Variants in PCDHGB1 observed in about 807,000 individuals in gnomAD.
The protein encoded by PCDHGB1 is protocadherin gamma-B1.
In PCDHGB1, 34 loss-of-function variants were observed where a neutral mutation model predicts 56.6. That is an observed-to-expected ratio of 0.60 (90% confidence interval 0.46 to 0.80). The LOEUF is 0.80. Among genes scored for constraint, PCDHGB1 ranks in the 30% least tolerant of loss-of-function variants. The pLI is 0.00. For missense variants in PCDHGB1, 1,278 were observed against 1,204.6 expected (o/e 1.06, Z -0.90); for synonymous variants, 561 against 505.9 (o/e 1.11, Z -1.46).
chr5:141,362,498 A>G, intron 1 of PCDHGB1: 2 of 1,614,032 alleles, frequency 1.2e-6, no homozygotes, highest in Non-Finnish European at 1.7e-6. Context: ...GCCTCTTGGG[A>G]ACAAAATACA....
chr5:141,367,922 CAACTT>C (rs974333677), intron 1 of PCDHGB1: 11 of 152,168 alleles, frequency 7.2e-5, no homozygotes, highest in East Asian at 1.9e-4. Flanking sequence ...AAAAAGAACT[CAACTT>C]AAAGATGGTT....
intron 1 of PCDHGB1, among the ~76,000 whole-genome samples, chr5:141,402,192 CTT>C (rs1205831935): frequency 6.6e-6 from 1 of 152,006 alleles, no homozygotes; most frequent in Non-Finnish European, 1.5e-5. Flanking sequence ...ATTAATATTA[CTT>C]TTATAATACA....
At chr5:141,428,147 G>A (rs771536400) in intron 1 of PCDHGB1, 2 of 1,589,610 alleles carry the variant, frequency 1.3e-6, no homozygotes, top group Admixed American at 1.7e-5. Context: ...GGCTGCACAC[G>A]GGAACCTGCT....
chr5:141,404,681 C>T, intron 1 of PCDHGB1: 1 of 1,614,092 alleles, frequency 6.2e-7, no homozygotes, highest in Non-Finnish European at 8.5e-7. Context: ...TGGTGTGGAG[C>T]TGGCACCCCG....
At chr5:141,502,406 T>G (rs1390520101) in intron 2 of PCDHGB1, among the ~76,000 whole-genome samples, 1 of 152,072 alleles carries the variant, frequency 6.6e-6, no homozygotes, top group African/African-American at 2.4e-5. Context: ...TCCCCGAACC[T>G]GGATTTGCTG....
Position 141,350,799 on chromosome 5 carries a change from A to G in PCDHGB1, c.539A>G (p.Lys180Arg), listed in dbSNP as rs751350769. 2 of 1,613,900 alleles carry G rather than the reference A, an allele frequency of 1.2e-6. No individual in the cohort carries two copies. Among genetic ancestry groups the G allele is most frequent in the Non-Finnish European group, 1.7e-6 (2 of 1,179,908 alleles). ...NPNQYFSLST[K>R]ESPDGSKYPV... The stretch of plus-strand genomic sequence containing the variant: ...AATCAATACTTCTCTCTGTCAACGA[A>G]GGAAAGTCCTGATGGAAGTAAATAT... The change falls in exon 1 of 4, where the codon AAG (lysine) becomes AGG (arginine). Residue 180 changes from lysine to arginine, a missense_variant. Transcript: ENST00000523390.
chr5:141,383,202 G>A, intron 1 of PCDHGB1: 1 of 1,614,060 alleles, frequency 6.2e-7, no homozygotes. Flanking sequence ...AGAGTGCGCG[G>A]TGTCTGGTAA....
chr5:141,408,624 A>G, intron 1 of PCDHGB1: 1 of 1,614,016 alleles, frequency 6.2e-7, no homozygotes, highest in Non-Finnish European at 8.5e-7. Flanking sequence ...ATACATTTAG[A>G]AATTTTCGAA....
intron 1 of PCDHGB1, chr5:141,418,297 C>T (rs760176371): frequency 2.5e-6 from 4 of 1,614,026 alleles, no homozygotes; most frequent in African/African-American, 2.7e-5. Flanking sequence ...GTGAATCCGT[C>T]AGCCTGGGGA....
intron 1 of PCDHGB1, chr5:141,384,703 G>A (rs776947081): frequency 6.2e-7 from 1 of 1,614,100 alleles, no homozygotes; most frequent in South Asian, 1.1e-5. Flanking sequence ...AGGCCAGAAC[G>A]CCTGGCTGTC....
chr5:141,428,891 G>A (rs1382228334), intron 1 of PCDHGB1: 3 of 149,832 alleles, frequency 2.0e-5, no homozygotes, highest in East Asian at 3.9e-4. Flanking sequence ...GTCTCGCTCT[G>A]TGGTCCAGGC....
chr5:141,354,708 A>G (rs1031330796), intron 1 of PCDHGB1, among the ~76,000 whole-genome samples: 2 of 152,190 alleles, frequency 1.3e-5, no homozygotes, highest in African/African-American at 4.8e-5. Context: ...CTATACTGAG[A>G]ATGGGCTGTG....
intron 1 of PCDHGB1, chr5:141,376,357 A>G: frequency 6.2e-7 from 1 of 1,614,012 alleles, no homozygotes; most frequent in Non-Finnish European, 8.5e-7. Context: ...ACGAGGTCTC[A>G]CTCACTGCAG....
chr5:141,356,987 G>GAGGTC (rs1760419659), intron 1 of PCDHGB1: 1 of 1,614,186 alleles, frequency 6.2e-7, no homozygotes, highest in Non-Finnish European at 8.5e-7. Context: ...GCAGTGGACA[G>GAGGTC]AGACTCAGGT....
intron 1 of PCDHGB1, among the ~76,000 whole-genome samples, chr5:141,379,925 A>T (rs1776079128): frequency 2.1e-5 from 1 of 48,106 alleles, no homozygotes; most frequent in East Asian, 5.2e-4. Context: ...TTTTTGTCAG[A>T]GTCTTGCTCT....
intron 1 of PCDHGB1, chr5:141,422,658 C>T (rs2096662185): frequency 6.2e-7 from 1 of 1,609,912 alleles, no homozygotes; most frequent in Non-Finnish European, 8.5e-7. Context: ...CAGTGACCGC[C>T]CTCGACCCGG....
rs962326553 is a variant in PCDHGB1 at position 141,387,971 on chromosome 5, C to T, written c.2409+35302C>T. 1.0e-5 allele frequency: 15 copies of T among 1,489,894 alleles called. 1 individual carries two copies. Among genetic ancestry groups the T allele is most frequent in the Non-Finnish European group, 1.3e-5 (14 of 1,108,812 alleles). The allele number at this position is 1,489,894 out of a possible 1,614,324, so 92.3% of individuals were successfully genotyped here. ...TGCTGTCTTTGTTCTGCCCGGCGCT[C>T]TGTGAGCAGATCCGCTACAGGATTC... On this transcript the variant is annotated intron_variant, in intron 1 of 3. Transcript: ENST00000523390.
chr5:141,490,549 C>T lies in PCDHGB1; in HGVS notation c.2410-4258C>T, dbSNP rs2099701539. ...TGCTGGTTCACCTTCCCTACACAAA[C>T]ATCTCACCATCAGGCTCAACATTTC... On this transcript the variant is annotated intron_variant, in intron 1 of 3. Transcript: ENST00000523390. The surrounding 1 kb of genome is among the most constrained non-coding windows in gnomAD (Gnocchi z 5.4). The T allele has an allele frequency of 1.9e-6, 3 of 1,614,178 alleles. No homozygotes were observed. The highest frequency in any genetic ancestry group is 1.7e-6 in the Non-Finnish European group (2 of 1,180,024).
intron 1 of PCDHGB1, chr5:141,360,076 T>G (rs890042967): frequency 6.8e-7 from 1 of 1,480,000 alleles, no homozygotes; most frequent in African/African-American, 1.4e-5. Context: ...TTAGCCCGGA[T>G]TCTGCCATCC....
Sources: gnomAD v4.1 joint callset for allele counts (sites outside exome capture counted in the v4.1 genomes callset) on GRCh38, gnomAD v4.1.1 for gene constraint, Gnocchi (gnomAD v3.1) non-coding constraint, MANE v1.5 for transcripts, NCBI Gene and HGNC (gene_info 2026-07-23, HGNC 2026-07-21) for gene names.